CDH20: variants seen among roughly 807,000 people sequenced by gnomAD.
CDH20 encodes the protein cadherin-20.
In CDH20, 29 loss-of-function variants were observed where a neutral mutation model predicts 74.2. That is an observed-to-expected ratio of 0.39 (90% CI 0.29 to 0.53). The LOEUF (loss-of-function observed/expected upper bound fraction) is 0.53. Among genes scored for constraint, CDH20 ranks in the 20% least tolerant of loss-of-function variants. The pLI, the probability that CDH20 is intolerant of heterozygous loss-of-function variation, is 0.69. For synonymous variants in CDH20, 469 were observed against 405.4 expected (o/e 1.16, Z -1.88); for missense variants, 988 against 1,048.3 (o/e 0.94, Z 0.79).
chr18:61,545,174 C>A, intron 10 of CDH20, 30 bp downstream of exon 10: 1 of 1,423,536 alleles, frequency 7.0e-7, no homozygotes, highest in Non-Finnish European at 9.9e-7. Flanking sequence ...GCTATCTGTG[C>A]TTTTCTACAG....
intron 1 of CDH20, among the ~76,000 whole-genome samples, chr18:61,379,371 C>T (rs979907298): frequency 3.9e-5 from 6 of 152,248 alleles, no homozygotes; most frequent in Middle Eastern, 6.8e-3. Flanking sequence ...AAATATTAAT[C>T]GCTTTATTGA....
chr18:61,498,629 C>T (rs1286523402), intron 2 of CDH20, among the ~76,000 whole-genome samples: 1 of 152,188 alleles, frequency 6.6e-6, no homozygotes, highest in Non-Finnish European at 1.5e-5. Context: ...AATGAAACTA[C>T]AGAACTAGGA....
chr18:61,432,260 A>AC (rs894229711), intron 1 of CDH20, among the ~76,000 whole-genome samples: 12 of 151,334 alleles, frequency 7.9e-5, no homozygotes, highest in African/African-American at 2.9e-4. Flanking sequence ...AAAAAAAAAA[A>AC]AAAACACAAA....
chr18:61,383,868 G>C (rs892117521), intron 1 of CDH20, among the ~76,000 whole-genome samples: 2 of 152,124 alleles, frequency 1.3e-5, no homozygotes, highest in African/African-American at 2.4e-5. Context: ...TCTAGGATGG[G>C]GAGAGGGAGA....
At chr18:61,400,928 A>G (rs1912132810) in intron 1 of CDH20, among the ~76,000 whole-genome samples, 1 of 152,330 alleles carries the variant, frequency 6.6e-6, no homozygotes, top group East Asian at 1.9e-4. Context: ...ATAAGTATTT[A>G]GTGGGAAAGA....
In CDH20 at chr18:61,500,404, C is replaced by T; in HGVS notation, c.563C>T (p.Thr188Ile). ...SPVGTSVIQV[T>I]ATDADDPTYG... ...CCAGGTACCTCCGTCATCCAAGTGA[C>T]AGCCACAGATGCAGATGACCCGACC... Residue 188 changes from threonine (T) to isoleucine (I), a missense_variant, in exon 4 of 12, where the codon ACA (threonine) becomes ATA (isoleucine). Thr to Ile is a moderately conservative substitution (Grantham distance 89). Coordinates refer to ENST00000262717, the MANE Select transcript of CDH20 (RefSeq NM_031891.4). The T allele has an allele frequency of 6.2e-7, 1 of 1,612,434 alleles. No individual in the cohort carries two copies. Among genetic ancestry groups the T allele is most frequent in the Non-Finnish European group, 8.5e-7 (1 of 1,178,936 alleles).
intron 1 of CDH20, among the ~76,000 whole-genome samples, chr18:61,382,653 A>G (rs1367557386): frequency 6.6e-6 from 1 of 152,216 alleles, no homozygotes; most frequent in Non-Finnish European, 1.5e-5. Flanking sequence ...CTATTGCAGA[A>G]TTCATACTTG....
chr18:61,444,660 T>C (rs559625834), intron 1 of CDH20, among the ~76,000 whole-genome samples: 25 of 152,328 alleles, frequency 1.6e-4, no homozygotes, highest in African/African-American at 4.8e-4. Flanking sequence ...TGTGCAAGTC[T>C]ACATGGGTGG....
At chr18:61,364,423 C>T (rs1473826683) in intron 1 of CDH20, among the ~76,000 whole-genome samples, 1 of 152,214 alleles carries the variant, frequency 6.6e-6, no homozygotes, top group Non-Finnish European at 1.5e-5. Context: ...AGCGATTCTC[C>T]TGCCTTAGCC....
At chr18:61,529,937 C>T (rs954464967) in intron 7 of CDH20, among the ~76,000 whole-genome samples, 2 of 152,226 alleles carry the variant, frequency 1.3e-5, no homozygotes, top group African/African-American at 4.8e-5. Flanking sequence ...CCCACTAGAA[C>T]CCAGGCAGGA....
intron 1 of CDH20, among the ~76,000 whole-genome samples, chr18:61,436,965 T>TA (rs1480287019): frequency 6.6e-6 from 1 of 152,084 alleles, no homozygotes; most frequent in Non-Finnish European, 1.5e-5. Context: ...AAATGAAGAA[T>TA]AAAAAATGTG....
At chr18:61,392,788 A>T (rs1473875352) in intron 1 of CDH20, among the ~76,000 whole-genome samples, 4 of 52,856 alleles carry the variant, frequency 7.6e-5, no homozygotes, top group Admixed American at 5.8e-4. Context: ...TTACTATGGT[A>T]AAAAAAAAAA....
chr18:61,373,564 G>A (rs1196696153), intron 1 of CDH20, among the ~76,000 whole-genome samples: 1 of 151,964 alleles, frequency 6.6e-6, no homozygotes, highest in Non-Finnish European at 1.5e-5. Context: ...CCAAAGCATG[G>A]GACACACCTT....
chr18:61,486,246 A>C (rs1910759774), intron 1 of CDH20, among the ~76,000 whole-genome samples: 2 of 152,168 alleles, frequency 1.3e-5, no homozygotes, highest in Non-Finnish European at 2.9e-5. Context: ...ACAGATCCCT[A>C]GTGATGGACT....
intron 1 of CDH20, among the ~76,000 whole-genome samples, chr18:61,447,881 C>T (rs554465756): frequency 2.7e-4 from 41 of 152,288 alleles, no homozygotes; most frequent in African/African-American, 8.9e-4. Flanking sequence ...CCCCAACTAA[C>T]GCTTGCTCCT....
intron 7 of CDH20, among the ~76,000 whole-genome samples, chr18:61,531,202 A>C (rs1179592643): frequency 6.6e-6 from 1 of 152,244 alleles, no homozygotes; most frequent in Non-Finnish European, 1.5e-5. Context: ...TCGATGAGGG[A>C]GGCTTCTCTG....
Position 61,499,327 on chromosome 18 carries a change from T to C in CDH20, c.388T>C (p.Tyr130His). The C allele has an allele frequency of 8.7e-6, 14 of 1,613,892 alleles. No individual in the cohort carries two copies. Among genetic ancestry groups the C allele is most frequent in the Non-Finnish European group, 1.2e-5 (14 of 1,179,934 alleles). Residue 130 changes from tyrosine (Y) to histidine (H), a missense_variant, in exon 3 of 12, where the codon TAT becomes CAT. Coordinates refer to ENST00000262717, the MANE Select transcript of CDH20 (RefSeq NM_031891.4). ...GCTCGACCGAGAGGAAAGAGCCCAG[T>C]ATACTCTAAGGGCTCAAGCCCTAGA... ...QRLDREERAQ[Y>H]TLRAQALDRR... is the part of the protein sequence containing the mutation.
intron 1 of CDH20, among the ~76,000 whole-genome samples, chr18:61,370,785 G>A (rs765962874): frequency 1.3e-5 from 2 of 152,064 alleles, no homozygotes; most frequent in African/African-American, 2.4e-5. Context: ...CAAAGTCTCA[G>A]TATTAATATT....
chr18:61,482,231 T>C (rs925465136), intron 1 of CDH20, among the ~76,000 whole-genome samples: 6 of 152,180 alleles, frequency 3.9e-5, no homozygotes, highest in Non-Finnish European at 1.5e-5. Flanking sequence ...TCCTGCCTCT[T>C]TAAATAATCA....
Sources: allele counts gnomAD v4.1 joint callset (sites outside exome capture counted in the v4.1 genomes callset), GRCh38; gene constraint gnomAD v4.1.1; transcripts MANE v1.5; gene names NCBI Gene and HGNC (gene_info 2026-07-23, HGNC 2026-07-21).